Variants in TAOK2 observed in about 807,000 individuals in gnomAD.
The protein encoded by TAOK2 is serine/threonine-protein kinase TAO2.
TAOK2 carries 42 observed loss-of-function variants against 122.5 expected under a neutral mutation model. The observed-to-expected ratio is 0.34, with a 90% CI of 0.27 to 0.44. TAOK2 has a LOEUF of 0.44. Ranked by LOEUF, TAOK2 falls within the 20% of genes least tolerant of loss-of-function variation. The pLI, the probability that TAOK2 is intolerant of heterozygous loss-of-function variation, is 1.00. For missense variants in TAOK2, 1,264 were observed against 1,644.9 expected, an observed-to-expected ratio of 0.77 and a Z score of 4.01; for synonymous variants, 704 against 677.6, an observed-to-expected ratio of 1.04 and a Z score of -0.61.
At chr16:29,983,446 G>C in intron 12 of TAOK2, 57 bp from the exon 13 acceptor site, 1 of 1,570,178 alleles carries the variant, frequency 6.4e-7, no homozygotes, top group Non-Finnish European at 8.7e-7. Flanking sequence ...TCCTCAGGTA[G>C]CTCTCTTTGG....
Position 29,985,998 on chromosome 16 carries a change from T to C in TAOK2, c.1992+137T>C. On this transcript the variant is annotated intron_variant, in intron 15 of 15. Coordinates refer to ENST00000308893, the MANE Select transcript of TAOK2 (RefSeq NM_016151.4). This position sits in a 1 kb window ranked among gnomAD's most constrained non-coding sequence, Gnocchi z 6.9. ...GTTCAGCTTTGCTTCAGTGCCCCTT[T>C]TACTTCTCATCCCCAACAGACCCTG... 8.6e-7 allele frequency: 1 copy of C among 1,163,284 alleles called. No homozygotes were observed. The highest frequency in any genetic ancestry group is 1.2e-6 in the Non-Finnish European group (1 of 828,908). The allele number at this position is 1,163,284 out of a possible 1,614,324, so 72.1% of individuals were successfully genotyped here.
chr16:29,979,302 C>G lies in TAOK2; in HGVS notation c.557C>G (p.Pro186Arg). 6.2e-7 allele frequency: 1 copy of G among 1,614,084 alleles called. No homozygotes were observed. Among genetic ancestry groups the G allele is most frequent in the Non-Finnish European group, 8.5e-7 (1 of 1,179,998 alleles). ...MAPANSFVGT[P>R]YWMAPEVILA... ...CCTGCCAACTCCTTCGTGGGCACCC[C>G]ATACTGGTGAGTGAGTGAGTGGTGG... Residue 186 changes from proline (P) to arginine (R), a missense_variant, in exon 7 of 16, where the codon CCA (proline) becomes CGA (arginine). Coordinates refer to ENST00000308893, the MANE Select transcript of TAOK2 (RefSeq NM_016151.4). This position sits in a 1 kb window ranked among gnomAD's most constrained non-coding sequence, Gnocchi z 4.1.
downstream of TAOK2, chr16:29,988,436 C>T (rs532105781): frequency 5.5e-6 from 7 of 1,273,410 alleles, no homozygotes; most frequent in African/African-American, 1.5e-5. Flanking sequence ...TTTGTCCTGC[C>T]GCCTAGCCTC....
intron 1 of TAOK2, among the ~76,000 whole-genome samples, chr16:29,976,758 C>G (rs536318480): frequency 6.6e-6 from 1 of 152,168 alleles, no homozygotes; most frequent in African/African-American, 2.4e-5. Context: ...CAGGCCTAAC[C>G]GGGGAGCCGA....
chr16:29,989,964 C>T (rs1294203569), downstream of TAOK2: 1 of 672,768 alleles, frequency 1.5e-6, no homozygotes, highest in Non-Finnish European at 2.5e-6. Flanking sequence ...TGATTTATTT[C>T]ATATTCTCCT....
intron 1 of TAOK2, among the ~76,000 whole-genome samples, chr16:29,975,766 G>A (rs1173894791): frequency 6.6e-6 from 1 of 152,156 alleles, no homozygotes; most frequent in East Asian, 1.9e-4. Context: ...AGCTTTGTGG[G>A]GACCTTGGAG....
intron 1 of TAOK2, among the ~76,000 whole-genome samples, chr16:29,974,967 T>C (rs2069408649): frequency 6.6e-6 from 1 of 152,100 alleles, no homozygotes; most frequent in African/African-American, 2.4e-5. Flanking sequence ...CACAGCCACC[T>C]CTCCTCCCTG....
downstream of TAOK2, chr16:29,991,327 C>T (rs372578344): frequency 2.2e-5 from 36 of 1,606,816 alleles, no homozygotes; most frequent in East Asian, 3.1e-4. This position sits in a 1 kb window ranked among gnomAD's most constrained non-coding sequence, Gnocchi z 5.6. Flanking sequence ...TGGCGTCAGC[C>T]GTCTCTGCTG....
rs1455337379 is a variant in TAOK2, at chr16:29,986,340, C to G, written c.2068C>G (p.Leu690Val). Residue 690 changes from leucine (L) to valine (V), a missense_variant, in exon 16 of 16, where the codon CTG becomes GTG. Leu to Val is a conservative substitution (Grantham distance 32). Coordinates refer to ENST00000308893, the MANE Select transcript of TAOK2 (RefSeq NM_016151.4). The surrounding 1 kb of genome is among the most constrained non-coding windows in gnomAD (Gnocchi z 4.2). ...LLRQHEATRE[L>V]ELRQLQAVQR... is the part of the protein sequence containing the mutation. Reference sequence around the variant, plus strand: ...TCGGCAGCACGAGGCCACGCGGGAGCTGGAGCTGCGGCAGCTCCAGGCCGT... The same window carrying G: ...TCGGCAGCACGAGGCCACGCGGGAGGTGGAGCTGCGGCAGCTCCAGGCCGT... 2 of 1,581,302 alleles carry G rather than the reference C, an allele frequency of 1.3e-6. No individual in the cohort carries two copies. Among genetic ancestry groups the G allele is most frequent in the African/African-American group, 1.4e-5 (1 of 73,768 alleles).
chr16:29,989,540 C>T (rs1422556071), downstream of TAOK2: 17 of 1,606,194 alleles, frequency 1.1e-5, no homozygotes, highest in East Asian at 3.1e-4. Flanking sequence ...TCCTCCTCTT[C>T]CTCCTCCTCT....
At chr16:29,990,965 G>A (rs201701292), downstream of TAOK2, 28 of 1,610,778 alleles carry the variant, frequency 1.7e-5, no homozygotes, top group Admixed American at 3.3e-5. Flanking sequence ...CTGGAGCAGC[G>A]GGTAAGGGGC....
chr16:29,989,630 C>T (rs747922191), downstream of TAOK2: 9 of 1,614,048 alleles, frequency 5.6e-6, no homozygotes, highest in South Asian at 3.3e-5. Context: ...TTCCAGGAGA[C>T]GTGTAAGATC....
chr16:29,989,544 C>T (rs1287171676), downstream of TAOK2: 1 of 1,608,774 alleles, frequency 6.2e-7, no homozygotes, highest in Admixed American at 1.7e-5. Flanking sequence ...CCTCTTCCTC[C>T]TCCTCTTCCC....
At position 29,987,478 on chromosome 16, in the gene TAOK2, G is replaced by C. The variant is rs2069843393; in HGVS notation, c.3206G>C (p.Trp1069Ser). The change falls in exon 16 of 16, where the codon TGG becomes TCG. Residue 1069 changes from tryptophan to serine, a missense_variant. Physicochemically the swap from Trp to Ser is radical, Grantham distance 177. Transcript: ENST00000308893. Reference protein sequence around the residue: ...PLVAMAAGGRWVRQQGPRVRR... With the variant: ...PLVAMAAGGRSVRQQGPRVRR... ...GTGGCTATGGCAGCGGGGGGCAGAT[G>C]GGTGCGGCAGCAGGGCCCCCGGGTG... is the stretch of plus-strand genomic sequence containing the variant. 2 of 1,593,246 alleles carry C rather than the reference G, an allele frequency of 1.3e-6. No homozygotes were observed. The highest frequency in any genetic ancestry group is 3.5e-5 in the Admixed American group (2 of 57,272).
At chr16:29,991,356 A>C, downstream of TAOK2, 3 of 1,592,932 alleles carry the variant, frequency 1.9e-6, no homozygotes, top group South Asian at 3.4e-5. This position sits in a 1 kb window ranked among gnomAD's most constrained non-coding sequence, Gnocchi z 5.6. Context: ...AGGCCCCCCA[A>C]ACTGGCTGGG....
rs1223390459 is a variant in TAOK2, at chr16:29,974,006, T to C, written c.-678T>C. On this transcript the variant is annotated 5_prime_UTR_variant, in exon 1 of 16. Coordinates refer to ENST00000308893, the MANE Select transcript of TAOK2 (RefSeq NM_016151.4). The stretch of plus-strand genomic sequence containing the variant: ...GTCAGCAGCACCTTAGCTACAATCG[T>C]TCAGCTATTCTCGGAAGAGAGAAGG... 1 of 152,408 alleles carries C rather than the reference T, an allele frequency of 6.6e-6. No homozygotes were observed. Among genetic ancestry groups the C allele is most frequent in the Non-Finnish European group, 1.5e-5 (1 of 68,186 alleles). 9.4% of individuals were successfully genotyped at this position (152,408 alleles called of 1,614,324 possible). A position where few individuals can be genotyped will look rare whatever the true frequency, so the allele number is the denominator to read the frequency against.
chr16:29,977,728 C>T lies in TAOK2; in HGVS notation c.-35-10C>T, dbSNP rs774204812. 7.5e-6 allele frequency: 12 copies of T among 1,606,562 alleles called. No homozygotes were observed. In the Admixed American group the frequency reaches 1.9e-4, roughly 25 times the overall value. ...CCTTGATCTCTAAGGGTCCCATTTC[C>T]ATTCCTCAGGCCAGGCCCCACTCTC... is the stretch of plus-strand genomic sequence containing the variant. On this transcript the variant is annotated splice_polypyrimidine_tract_variant and intron_variant, in intron 1 of 15. Transcript: ENST00000308893.
At position 29,985,912 on chromosome 16, in the gene TAOK2, AC is replaced by A; in HGVS notation, c.1992+54del. 6.4e-7 allele frequency: 1 copy of A among 1,573,224 alleles called. No individual in the cohort carries two copies. Among genetic ancestry groups the A allele is most frequent in the Non-Finnish European group, 8.7e-7 (1 of 1,156,060 alleles). ...TCCCGCTCACTCGTGGATCCCAGGG[AC>A]CCACCCTTTTCCATTTTCCTCATTC... On this transcript the variant is annotated intron_variant, in intron 15 of 15. Coordinates refer to ENST00000308893, the MANE Select transcript of TAOK2 (RefSeq NM_016151.4). The surrounding 1 kb of genome is among the most constrained non-coding windows in gnomAD (Gnocchi z 6.9).
chr16:29,986,947 G>A lies in TAOK2; in HGVS notation c.2675G>A (p.Gly892Asp). Residue 892 changes from glycine (G) to aspartate (D), a missense_variant, in exon 16 of 16, where the codon GGC becomes GAC. By Grantham distance (94) the Gly-to-Asp change is moderately conservative. Transcript: ENST00000308893. This position sits in a 1 kb window ranked among gnomAD's most constrained non-coding sequence, Gnocchi z 4.2. ...GAGTTTGAGCTTGGCTGGGTCCAGG[G>A]CCCAGCACTGACTCCCGTCCCTGAG... is the stretch of plus-strand genomic sequence containing the variant. Reference protein sequence around the residue: ...DEEFELGWVQGPALTPVPEEE... With the variant: ...DEEFELGWVQDPALTPVPEEE... The A allele has an allele frequency of 1.2e-6, 2 of 1,613,982 alleles. No homozygotes were observed. The highest frequency in any genetic ancestry group is 1.7e-6 in the Non-Finnish European group (2 of 1,179,904).
Sources: gnomAD v4.1 joint callset for allele counts (sites outside exome capture counted in the v4.1 genomes callset) on GRCh38, gnomAD v4.1.1 for gene constraint, Gnocchi (gnomAD v3.1) non-coding constraint, MANE v1.5 for transcripts, NCBI Gene and HGNC (gene_info 2026-07-23, HGNC 2026-07-21) for gene names.